Variants in LRP1B observed in about 807,000 individuals in gnomAD.
The protein encoded by LRP1B is LDL receptor related protein 1B.
In LRP1B, 217 loss-of-function variants were observed where a neutral mutation model predicts 556.6. That is an observed-to-expected ratio of 0.39 (90% confidence interval 0.35 to 0.44). The LOEUF (loss-of-function observed/expected upper bound fraction) is 0.44. Ranked by LOEUF, LRP1B falls within the 20% of genes least tolerant of loss-of-function variation. The pLI is 1.00. For synonymous variants in LRP1B, 2,047 were observed against 1,865.8 expected (o/e 1.10, Z -2.50); for missense variants, 5,053 against 5,620.8 (o/e 0.90, Z 3.23).
intron 37 of LRP1B, among the ~76,000 whole-genome samples, chr2:140,710,850 C>T (rs1687006970): frequency 1.3e-5 from 2 of 151,984 alleles, no homozygotes; most frequent in Admixed American, 6.6e-5. Flanking sequence ...GAAGCTGAAA[C>T]CCATTTTAGG....
At chr2:141,849,088 C>T (rs941244884) in intron 1 of LRP1B, among the ~76,000 whole-genome samples, 8 of 151,492 alleles carry the variant, frequency 5.3e-5, no homozygotes, top group Admixed American at 2.6e-4. Flanking sequence ...ATGCTAAACA[C>T]GTATTTGGGG....
intron 3 of LRP1B, among the ~76,000 whole-genome samples, chr2:141,468,445 G>C (rs1375892102): frequency 6.6e-6 from 1 of 152,072 alleles, no homozygotes; most frequent in Non-Finnish European, 1.5e-5. Context: ...AAATTTGATA[G>C]AGTGCACATA....
At chr2:141,542,940 T>A (rs1685318152) in intron 2 of LRP1B, among the ~76,000 whole-genome samples, 1 of 152,170 alleles carries the variant, frequency 6.6e-6, no homozygotes, top group Non-Finnish European at 1.5e-5. Flanking sequence ...GGTAGTTTTT[T>A]ATGTACTGAT....
chr2:140,660,643 G>A (rs1013797049), intron 41 of LRP1B, among the ~76,000 whole-genome samples: 1 of 151,870 alleles, frequency 6.6e-6, no homozygotes, highest in African/African-American at 2.4e-5. Flanking sequence ...TTGTTTATGT[G>A]CGTTATATGA....
chr2:140,315,778 C>T (rs1015555373), intron 82 of LRP1B, among the ~76,000 whole-genome samples: 7 of 152,074 alleles, frequency 4.6e-5, no homozygotes, highest in Non-Finnish European at 5.9e-5. Context: ...ACTATTTGTT[C>T]TATAGCCTAT....
rs145869246 is a variant in LRP1B, at chr2:140,655,032, G to GTATATATATATATA, written c.6799+45204_6799+45217dup. Among the ~76,000 whole-genome samples, 432 of 147,128 alleles carry GTATATATATATATA rather than the reference G, an allele frequency of 2.9e-3. 4 individuals carry two copies. The highest frequency in any genetic ancestry group is 0.011 in the African/African-American group (413 of 39,288). On this transcript the variant is annotated intron_variant, in intron 41 of 90. Transcript: ENST00000389484. ...GAGAAATTTGTATGGGTATATGTAT[G>GTATATATATATATA]TATATATATATATATCTCCTAGCTC...
intron 35 of LRP1B, among the ~76,000 whole-genome samples, chr2:140,740,651 C>T (rs1688105306): frequency 6.8e-6 from 1 of 146,562 alleles, no homozygotes; most frequent in African/African-American, 2.5e-5. Context: ...CCCCCAAAAC[C>T]TATGGAAAAA....
chr2:141,409,008 T>C (rs913922351), intron 3 of LRP1B, among the ~76,000 whole-genome samples: 1 of 152,170 alleles, frequency 6.6e-6, no homozygotes, highest in Non-Finnish European at 1.5e-5. Context: ...CTGTGTAATA[T>C]TGAGTTTTGA....
At chr2:140,833,047 G>C (rs554187498) in intron 31 of LRP1B, among the ~76,000 whole-genome samples, 14 of 152,216 alleles carry the variant, frequency 9.2e-5, no homozygotes, top group Non-Finnish European at 1.9e-4. Context: ...CCCAATATAA[G>C]TGAGGGTATG....
At chr2:140,997,856 T>A (rs964327051) in intron 15 of LRP1B, among the ~76,000 whole-genome samples, 1 of 151,918 alleles carries the variant, frequency 6.6e-6, no homozygotes. Context: ...AATGCTGCGA[T>A]AGGTTTTGAT....
chr2:141,562,404 T>A (rs1686188243), intron 2 of LRP1B, among the ~76,000 whole-genome samples: 1 of 152,002 alleles, frequency 6.6e-6, no homozygotes, highest in African/African-American at 2.4e-5. Flanking sequence ...GAGTTTTTCT[T>A]ACTCCCTCAG....
intron 3 of LRP1B, among the ~76,000 whole-genome samples, chr2:141,404,713 A>G (rs1385823959): frequency 6.6e-6 from 1 of 152,170 alleles, no homozygotes; most frequent in Non-Finnish European, 1.5e-5. Context: ...TCCTATCGTT[A>G]TACTGGTACT....
chr2:140,924,734 C>G (rs1694838337), intron 20 of LRP1B, among the ~76,000 whole-genome samples: 1 of 152,078 alleles, frequency 6.6e-6, no homozygotes, highest in Non-Finnish European at 1.5e-5. Flanking sequence ...TTCTAGTATT[C>G]TAGCTATCTA....
chr2:141,684,978 C>T (rs1321738456), intron 2 of LRP1B, among the ~76,000 whole-genome samples: 1 of 152,028 alleles, frequency 6.6e-6, no homozygotes, highest in African/African-American at 2.4e-5. Flanking sequence ...AGCTGCACTC[C>T]CAGGTGAGGT....
intron 3 of LRP1B, among the ~76,000 whole-genome samples, chr2:141,282,309 TAG>T (rs1685538975): frequency 6.6e-6 from 1 of 152,092 alleles, no homozygotes; most frequent in Admixed American, 6.6e-5. Context: ...TTATATTTTG[TAG>T]AGACAATCTG....
intron 3 of LRP1B, among the ~76,000 whole-genome samples, chr2:141,362,144 C>T (rs898697218): frequency 1.3e-5 from 2 of 152,136 alleles, no homozygotes; most frequent in Non-Finnish European, 2.9e-5. Flanking sequence ...TCTTCTCTGC[C>T]TTTTCATCAG....
At chr2:141,241,880 C>A (rs376746570) in intron 5 of LRP1B, among the ~76,000 whole-genome samples, 18 of 151,562 alleles carry the variant, frequency 1.2e-4, no homozygotes, top group Non-Finnish European at 2.1e-4. Context: ...TTTGAAGTTA[C>A]GGCTCAATGA....
chr2:142,010,297 G>T (rs1307292505), intron 1 of LRP1B, among the ~76,000 whole-genome samples: 1 of 152,042 alleles, frequency 6.6e-6, no homozygotes, highest in Non-Finnish European at 1.5e-5. Context: ...GTTCATGCCT[G>T]TAATCCTAGC....
At chr2:140,705,161 A>G (rs188257910) in intron 37 of LRP1B, among the ~76,000 whole-genome samples, 1 of 152,210 alleles carries the variant, frequency 6.6e-6, no homozygotes, top group East Asian at 1.9e-4. Flanking sequence ...AGAAATATAT[A>G]ATGATATTAT....
Sources: gnomAD v4.1 joint callset for allele counts (sites outside exome capture counted in the v4.1 genomes callset) on GRCh38, gnomAD v4.1.1 for gene constraint, MANE v1.5 for transcripts, NCBI Gene and HGNC (gene_info 2026-07-23, HGNC 2026-07-21) for gene names.